Variants in PDLIM3 observed in about 807,000 individuals in gnomAD.
The protein encoded by PDLIM3 is PDZ and LIM domain 3.
A neutral mutation model predicts 37.3 loss-of-function variants in PDLIM3; 36 were observed. That is an observed-to-expected ratio of 0.97 (90% CI 0.74 to 1.28). PDLIM3 has a LOEUF of 1.28. PDLIM3 is among the 50% of genes most tolerant of loss of function. The probability of loss-of-function intolerance (pLI) is 0.00; values close to 1 mark genes in which losing one functional copy is unlikely to be tolerated. For synonymous variants in PDLIM3, 174 were observed against 182.4 expected, an observed-to-expected ratio of 0.95 and a Z score of 0.37; for missense variants, 454 against 485.0, an observed-to-expected ratio of 0.94 and a Z score of 0.60.
chr4:185,527,170 T>C (rs1433780594), intron 1 of PDLIM3, among the ~76,000 whole-genome samples: 1 of 152,230 alleles, frequency 6.6e-6, no homozygotes, highest in Non-Finnish European at 1.5e-5. Context: ...CCAAAGATTA[T>C]GGCTTTTAAT....
intron 4 of PDLIM3, chr4:185,513,900 C>T (rs555838425): frequency 4.1e-5 from 48 of 1,182,354 alleles, no homozygotes; most frequent in Non-Finnish European, 4.8e-5. Flanking sequence ...TCCTCCTAAC[C>T]GGGGCTGGTT....
At chr4:185,535,015 A>G (rs945440398) in intron 1 of PDLIM3, among the ~76,000 whole-genome samples, 9 of 152,246 alleles carry the variant, frequency 5.9e-5, no homozygotes, top group African/African-American at 2.2e-4. Context: ...CATATAAAAC[A>G]TTTAAAACCT....
intron 3 of PDLIM3, 67 bp downstream of exon 3, chr4:185,523,295 C>G (rs2095725816): frequency 9.2e-7 from 1 of 1,089,682 alleles, no homozygotes; most frequent in Admixed American, 1.7e-5. Flanking sequence ...TCTCTTCCTC[C>G]CCTTGGAAGG....
intron 4 of PDLIM3, chr4:185,513,179 G>T (rs1174995768): frequency 3.0e-5 from 30 of 985,158 alleles, no homozygotes; most frequent in Non-Finnish European, 3.5e-5. Flanking sequence ...TTCTAGGGGG[G>T]GGAAGATGTG....
chr4:185,516,365 T>A (rs1580251731), intron 3 of PDLIM3: 1 of 152,364 alleles, frequency 6.6e-6, no homozygotes, highest in East Asian at 1.9e-4. Context: ...TGGAAAGAGA[T>A]TATCGTCTTT....
chr4:185,534,897 C>G (rs1037238591), intron 1 of PDLIM3, among the ~76,000 whole-genome samples: 7 of 152,372 alleles, frequency 4.6e-5, no homozygotes, highest in Non-Finnish European at 8.8e-5. Flanking sequence ...CGCTCAGATG[C>G]GCGCCAGCTC....
intron 7 of PDLIM3, among the ~76,000 whole-genome samples, chr4:185,503,172 C>G (rs552922769): frequency 2.0e-5 from 3 of 152,030 alleles, no homozygotes; most frequent in African/African-American, 4.8e-5. Context: ...TGCAGTGAGC[C>G]GAGATCGCGC....
intron 1 of PDLIM3, among the ~76,000 whole-genome samples, chr4:185,533,945 A>G (rs1195358929): frequency 6.6e-6 from 1 of 152,206 alleles, no homozygotes; most frequent in Non-Finnish European, 1.5e-5. Context: ...ATACTCCAGA[A>G]ACTAAAACAT....
intron 1 of PDLIM3, among the ~76,000 whole-genome samples, chr4:185,526,224 G>A (rs1011367021): frequency 1.5e-4 from 23 of 152,182 alleles, no homozygotes; most frequent in African/African-American, 5.3e-4. Flanking sequence ...TAACATGAGC[G>A]TACAGAACTC....
Position 185,508,281 on chromosome 4 carries a change from C to A in PDLIM3, c.662+18G>T. 1.2e-6 allele frequency: 2 copies of A among 1,612,932 alleles called. No individual in the cohort carries two copies. Among genetic ancestry groups the A allele is most frequent in the South Asian group, 2.2e-5 (2 of 91,010 alleles). Reference sequence around the variant, plus strand: ...GTGTTTAGTTAATATGCCCATGGTTCAAAGAGACTCATATTACCTCATCAA... The same window carrying A: ...GTGTTTAGTTAATATGCCCATGGTTAAAAGAGACTCATATTACCTCATCAA... On this transcript the variant is annotated intron_variant, in intron 5 of 7. Transcript: ENST00000284767.
At position 185,513,639 on chromosome 4, in the gene PDLIM3, G is replaced by A. The variant is rs77061336; in HGVS notation, c.398+631C>T. On this transcript the variant is annotated intron_variant, in intron 4 of 7. Transcript: ENST00000284767. ...TCAATGTTCCTGTCGGAATCAATCC[G>A]GTCTAACCACCAGCTTCCTTCCTGT... 4,756 of 988,978 alleles carry A rather than the reference G, an allele frequency of 4.8e-3. 185 individuals carry two copies. The African/African-American group carries it at 0.076, about 16-fold the overall frequency. 61.3% of individuals were successfully genotyped at this position (988,978 alleles called of 1,614,324 possible).
chr4:185,519,420 G>C (rs759508550), intron 3 of PDLIM3, among the ~76,000 whole-genome samples: 14 of 152,102 alleles, frequency 9.2e-5, no homozygotes, highest in Non-Finnish European at 1.9e-4. Flanking sequence ...CCAGTAGCTG[G>C]GACCACAGGC....
At chr4:185,535,266 CG>C in intron 1 of PDLIM3, 75 bp downstream of exon 1, 1 of 1,339,162 alleles carries the variant, frequency 7.5e-7, no homozygotes, top group South Asian at 1.3e-5. Flanking sequence ...CCCTCGGCCC[CG>C]GGGCATCCAC....
chr4:185,507,842 GAGA>G (rs1340202194), intron 5 of PDLIM3, among the ~76,000 whole-genome samples: 4 of 152,022 alleles, frequency 2.6e-5, no homozygotes, highest in Non-Finnish European at 4.4e-5. Flanking sequence ...TATCAGAAGA[GAGA>G]AGAATCATCT....
In PDLIM3 at chr4:185,506,017, C is replaced by T. The variant is rs1248608267; in HGVS notation, c.793+505G>A. Among the ~76,000 whole-genome samples, 72 of 143,022 alleles carry T rather than the reference C, an allele frequency of 5.0e-4. 1 individual carries two copies. The highest frequency in any genetic ancestry group is 2.9e-5 in the Non-Finnish European group (2 of 67,948). The allele number at this position is 143,022 out of a possible 152,430, so 93.8% of individuals were successfully genotyped here. A position where few individuals can be genotyped will look rare whatever the true frequency, so the allele number is the denominator to read the frequency against. ...ACTGGCTATGTGGCCTTTCACAAGG[C>T]CACCCGCCCATCTCTCAGCGTCTCA... On this transcript the variant is annotated intron_variant, in intron 6 of 7. Coordinates refer to ENST00000284767, the MANE Select transcript of PDLIM3 (RefSeq NM_014476.6).
intron 4 of PDLIM3, chr4:185,513,245 C>T: frequency 1.0e-6 from 1 of 985,404 alleles, no homozygotes; most frequent in Non-Finnish European, 1.2e-6. Context: ...TCCAGGGCTC[C>T]TTTCTGGATC....
chr4:185,526,466 AAG>A (rs1448629168), intron 1 of PDLIM3, among the ~76,000 whole-genome samples: 1 of 152,254 alleles, frequency 6.6e-6, no homozygotes, highest in East Asian at 1.9e-4. Context: ...GCAGGAATAA[AAG>A]AAATACTTAA....
chr4:185,524,740 A>C (rs555159868), intron 2 of PDLIM3, among the ~76,000 whole-genome samples: 26 of 152,202 alleles, frequency 1.7e-4, no homozygotes, highest in Admixed American at 5.2e-4. Context: ...TGTGGCTAAT[A>C]GTTCTATTTT....
chr4:185,502,908 C>A (rs776994935), intron 7 of PDLIM3, among the ~76,000 whole-genome samples: 8 of 152,118 alleles, frequency 5.3e-5, no homozygotes, highest in Non-Finnish European at 1.2e-4. Context: ...CGTGGTCCAG[C>A]CTCTATTCAA....
Sources: gnomAD v4.1 joint callset for allele counts (sites outside exome capture counted in the v4.1 genomes callset) on GRCh38, gnomAD v4.1.1 for gene constraint, MANE v1.5 for transcripts, NCBI Gene and HGNC (gene_info 2026-07-23, HGNC 2026-07-21) for gene names.